The following KMT2B variants were observed in gnomAD, a reference collection of about 807,000 sequenced individuals.
KMT2B encodes lysine methyltransferase 2B, also known as histone-lysine N-methyltransferase 2B.
In KMT2B, 22 loss-of-function variants were observed where a neutral mutation model predicts 255.3. The observed-to-expected ratio is 0.09, with a 90% CI of 0.06 to 0.12. KMT2B has a LOEUF of 0.12. KMT2B is among the 10% of genes least tolerant of loss of function. The pLI, the probability that KMT2B is intolerant of heterozygous loss-of-function variation, is 1.00. For synonymous variants in KMT2B, 1,730 were observed against 1,498.1 expected, an observed-to-expected ratio of 1.15 and a Z score of -3.57; for missense variants, 3,149 against 3,737.0, an observed-to-expected ratio of 0.84 and a Z score of 4.10.
At position 35,725,039 on chromosome 19, in the gene KMT2B, A is replaced by G; in HGVS notation, c.3480A>G (p.Gly1160=). Residue 1160 remains glycine, a synonymous_variant, in exon 10 of 37, where the codon GGA becomes GGG. Coordinates refer to ENST00000420124, the MANE Select transcript of KMT2B (RefSeq NM_014727.3). The surrounding 1 kb of genome is among the most constrained non-coding windows in gnomAD (Gnocchi z 4.1). ...CTTCTTTTCCCAATGGCTGGACTGG[A>G]AAGCAGAAGTCTCCCGATGGTGTGC... is the stretch of plus-strand genomic sequence containing the variant. The part of the protein sequence containing the change: ...PFASFPNGWT[G]KQKSPDGVHR... 6.2e-7 allele frequency: 1 copy of G among 1,613,848 alleles called. No homozygotes were observed. Among genetic ancestry groups the G allele is most frequent in the Non-Finnish European group, 8.5e-7 (1 of 1,179,828 alleles).
chr19:35,726,452 C>T (rs975651092), intron 14 of KMT2B, 99 bp downstream of exon 14: 14 of 785,590 alleles, frequency 1.8e-5, no homozygotes, highest in Non-Finnish European at 2.7e-5. Flanking sequence ...CATGGCTTTC[C>T]ACCTTGTAGC....
chr19:35,727,676 T>C lies in KMT2B; in HGVS notation c.4303-22T>C. Reference sequence around the variant, plus strand: ...CCGGGGCTAGGCCCACCCCCAGCCCTGCTAACTTCCCCGCTTTGCAGTGTG... The same window carrying C: ...CCGGGGCTAGGCCCACCCCCAGCCCCGCTAACTTCCCCGCTTTGCAGTGTG... On this transcript the variant is annotated intron_variant, in intron 16 of 36. Coordinates refer to ENST00000420124, the MANE Select transcript of KMT2B (RefSeq NM_014727.3). The surrounding 1 kb of genome is among the most constrained non-coding windows in gnomAD (Gnocchi z 4.2). The C allele has an allele frequency of 1.9e-6, 3 of 1,613,386 alleles. No homozygotes were observed. Among genetic ancestry groups the C allele is most frequent in the Non-Finnish European group, 2.5e-6 (3 of 1,179,818 alleles).
intron 3 of KMT2B, 119 bp downstream of exon 3, chr19:35,721,923 G>A (rs1049224884): frequency 1.5e-6 from 2 of 1,340,328 alleles, no homozygotes; most frequent in African/African-American, 1.5e-5. Flanking sequence ...CTCAGAACCT[G>A]CCTTTCTGTG....
At position 35,729,312 on chromosome 19, in the gene KMT2B, C is replaced by T. The variant is rs1471549214; in HGVS notation, c.4917+16C>T. Reference sequence around the variant, plus strand: ...GAGGCAGATGGTGAGGGCGCGGGCGCAGAGAGGTGGACAGCTCTCTGGCTC... The same window carrying T: ...GAGGCAGATGGTGAGGGCGCGGGCGTAGAGAGGTGGACAGCTCTCTGGCTC... On this transcript the variant is annotated intron_variant, in intron 22 of 36. Transcript: ENST00000420124. The T allele has an allele frequency of 2.2e-5, 35 of 1,582,860 alleles. No homozygotes were observed. The highest frequency in any genetic ancestry group is 3.0e-5 in the Non-Finnish European group (35 of 1,165,982).
rs1407102208 is a variant in KMT2B at position 35,732,315 on chromosome 19, GCCGCCT to G, written c.5769_5774del (p.Pro1924_Pro1925del). The stretch of plus-strand genomic sequence containing the variant: ...GTCGTCCCAGCCCTTTGGCTCCCAG[GCCGCCT>G]CCATCACGGTGGGCCTCCCCTCCTC... On this transcript the variant is annotated inframe_deletion, in exon 28 of 37. Transcript: ENST00000420124. 1 of 1,611,072 alleles carries G rather than the reference GCCGCCT, an allele frequency of 6.2e-7. No homozygotes were observed. Among genetic ancestry groups the G allele is most frequent in the South Asian group, 1.1e-5 (1 of 90,386 alleles).
Position 35,722,692 on chromosome 19 carries a change from G to A in KMT2B, c.2696G>A (p.Arg899Gln), listed in dbSNP as rs201585209. The A allele has an allele frequency of 7.5e-6, 12 of 1,606,998 alleles. No homozygotes were observed. The highest frequency in any genetic ancestry group is 2.2e-5 in the South Asian group (2 of 90,262). The part of the protein sequence containing the change: ...DVPRLSALPL[R>Q]DRQDLATEDT... The stretch of plus-strand genomic sequence containing the variant: ...CCTCGCCTCAGTGCCCTCCCTCTCC[G>A]GGATCGGCAGGACCTCGCCACAGAG... Residue 899 changes from arginine to glutamine, a missense_variant, in exon 5 of 37, where the codon CGG (arginine) becomes CAG (glutamine). Arg to Gln is a conservative substitution (Grantham distance 43, BLOSUM62 1). Around this residue, in one of 18 missense-constraint regions of KMT2B, gnomAD observed 132 missense variants for 174.7 expected, o/e 0.76. Coordinates refer to ENST00000420124, the MANE Select transcript of KMT2B (RefSeq NM_014727.3).
rs560283345 is a variant in KMT2B at position 35,737,569 on chromosome 19, C to A, written c.7551-67C>A. ...TAGAGCTGACATCAGAAAAATGAAC[C>A]CCACCCATTTCCCTGTTAGCTCTGT... is the stretch of plus-strand genomic sequence containing the variant. On this transcript the variant is annotated intron_variant, in intron 33 of 36. Coordinates refer to ENST00000420124, the MANE Select transcript of KMT2B (RefSeq NM_014727.3). This position sits in a 1 kb window ranked among gnomAD's most constrained non-coding sequence, Gnocchi z 5.3. 2.3e-4 allele frequency: 238 copies of A among 1,053,474 alleles called. 1 individual carries two copies. The African/African-American group carries it at 3.3e-3, about 14-fold the overall frequency. 65.3% of individuals were successfully genotyped at this position (1,053,474 alleles called of 1,614,324 possible). A position where few individuals can be genotyped will look rare whatever the true frequency, so the allele number is the denominator to read the frequency against.
intron 2 of KMT2B, 112 bp from the exon 3 acceptor site, chr19:35,719,672 C>T (rs921481758): frequency 1.3e-6 from 2 of 1,516,314 alleles, no homozygotes; most frequent in Admixed American, 2.0e-5. Context: ...CCAAGCTAGT[C>T]TGGGCAGCGG....
In KMT2B at chr19:35,720,450, A is replaced by G. The variant is rs1599669524; in HGVS notation, c.1103A>G (p.Lys368Arg). 1.3e-6 allele frequency: 2 copies of G among 1,551,926 alleles called. No homozygotes were observed. Among genetic ancestry groups the G allele is most frequent in the South Asian group, 1.2e-5 (1 of 84,120 alleles). The change falls in exon 3 of 37, where the codon AAG (lysine) becomes AGG (arginine). Residue 368 changes from lysine (K) to arginine (R), a missense_variant. Coordinates refer to ENST00000420124, the MANE Select transcript of KMT2B (RefSeq NM_014727.3). ...EQKLDDEEEE[K>R]KEEEEKDKEG... ...AAGCTGGATGACGAGGAAGAAGAGA[A>G]GAAAGAAGAAGAAGAAAAAGACAAG...
chr19:35,721,936 C>G (rs1404587026), intron 3 of KMT2B, 132 bp downstream of exon 3: 1 of 1,226,790 alleles, frequency 8.2e-7, no homozygotes, highest in African/African-American at 1.5e-5. Context: ...TTTCTGTGAT[C>G]CCCCACCTTC....
Position 35,730,441 on chromosome 19 carries a change from G to C in KMT2B, c.5176G>C (p.Asp1726His). 6.2e-7 allele frequency: 1 copy of C among 1,613,792 alleles called. No individual in the cohort carries two copies. Among genetic ancestry groups the C allele is most frequent in the South Asian group, 1.1e-5 (1 of 91,078 alleles). ...KRKFLTGLEPDAINVLIGSIR... is the reference protein window; with the variant it reads ...KRKFLTGLEPHAINVLIGSIR... ...GAAGTTCTTGACGGGGCTTGAACCC[G>C]ATGCCATCAACGTGCTCATTGGTAA... is the stretch of plus-strand genomic sequence containing the variant. The change falls in exon 24 of 37, where the codon GAT becomes CAT. Residue 1726 changes from aspartate to histidine, a missense_variant. Around this residue, in one of 18 missense-constraint regions of KMT2B, gnomAD observed 58 missense variants for 96.9 expected, o/e 0.60. Coordinates refer to ENST00000420124, the MANE Select transcript of KMT2B (RefSeq NM_014727.3).
chr19:35,720,203 AGCCGTGGAG>A lies in KMT2B; in HGVS notation c.868_876del (p.Gly292_Gly294del), dbSNP rs767997887. 8.3e-5 allele frequency: 133 copies of A among 1,609,172 alleles called. No homozygotes were observed. The highest frequency in any genetic ancestry group is 4.5e-4 in the African/African-American group (34 of 74,882). On this transcript the variant is annotated inframe_deletion, in exon 3 of 37. Transcript: ENST00000420124. ...GACCCCCAGGCGTGGAGGACAGTCA[AGCCGTGGAG>A]GCCGTGGAGGCAGGGGCCGCGGCCG... is the stretch of plus-strand genomic sequence containing the variant.
In KMT2B at chr19:35,723,983, C is replaced by T. The variant is rs1403628021; in HGVS notation, c.3310C>T (p.Arg1104Trp). The T allele has an allele frequency of 1.4e-5, 23 of 1,595,584 alleles. No homozygotes were observed. The highest frequency in any genetic ancestry group is 1.8e-5 in the Non-Finnish European group (21 of 1,171,634). The part of the protein sequence containing the change: ...DSEPGGPPAP[R>W]RRTPRENELP... ...GGAGCCCGGGGGCCCCCCTGCTCCT[C>T]GGCGTCGGACCCCCCGAGAAAATGG... Residue 1104 changes from arginine to tryptophan, a missense_variant, in exon 8 of 37, where the codon CGG becomes TGG. By Grantham distance (101) the Arg-to-Trp change is moderately radical. This residue lies in a region of KMT2B where 136 missense variants were observed against 137.3 expected (regional missense o/e 0.99). Coordinates refer to ENST00000420124, the MANE Select transcript of KMT2B (RefSeq NM_014727.3). This position sits in a 1 kb window ranked among gnomAD's most constrained non-coding sequence, Gnocchi z 7.5.
At position 35,724,699 on chromosome 19, in the gene KMT2B, T is replaced by G. The variant is rs771064151; in HGVS notation, c.3397T>G (p.Leu1133Val). 54 of 1,599,362 alleles carry G rather than the reference T, an allele frequency of 3.4e-5. No homozygotes were observed. The highest frequency in any genetic ancestry group is 4.3e-5 in the Non-Finnish European group (51 of 1,173,372). The change falls in exon 9 of 37, where the codon TTG becomes GTG. Residue 1133 changes from leucine to valine, a missense_variant. Transcript: ENST00000420124. ...CCGCAAACCTACCCTGCAGCCTGTG[T>G]TGCAGCTCAAGGCCCGAAGGCGCCT... The part of the protein sequence containing the change: ...RPRKPTLQPV[L>V]QLKARRRLDK...
rs749549494 is a variant in KMT2B at position 35,721,137 on chromosome 19, C to G, written c.1790C>G (p.Pro597Arg). The G allele has an allele frequency of 4.9e-5, 78 of 1,604,740 alleles. No individual in the cohort carries two copies. The highest frequency in any genetic ancestry group is 6.5e-5 in the Non-Finnish European group (76 of 1,176,370). ...CCTCCATCTACCCCAGTTCCACTCCCTGAGAAGAGACGGTCCATCCTAAGG... is the reference window on the plus strand; with the variant it reads ...CCTCCATCTACCCCAGTTCCACTCCGTGAGAAGAGACGGTCCATCCTAAGG... ...PTPPSTPVPLPEKRRSILREP... is the reference protein window; with the variant it reads ...PTPPSTPVPLREKRRSILREP... Residue 597 changes from proline to arginine, a missense_variant, in exon 3 of 37, where the codon CCT becomes CGT. Around this residue, in one of 18 missense-constraint regions of KMT2B, gnomAD observed 1,188 missense variants for 1,106.4 expected, o/e 1.07. Coordinates refer to ENST00000420124, the MANE Select transcript of KMT2B (RefSeq NM_014727.3).
Position 35,725,954 on chromosome 19 carries a change from T to G in KMT2B, c.3885+136T>G. ...AAGAATTGATTAGTAATGTTTCCTC[T>G]TCAAAAATTTCACATAGGTCAGATT... is the stretch of plus-strand genomic sequence containing the variant. On this transcript the variant is annotated intron_variant, in intron 13 of 36. Coordinates refer to ENST00000420124, the MANE Select transcript of KMT2B (RefSeq NM_014727.3). This position sits in a 1 kb window ranked among gnomAD's most constrained non-coding sequence, Gnocchi z 4.1. 2 of 756,704 alleles carry G rather than the reference T, an allele frequency of 2.6e-6. No homozygotes were observed. The highest frequency in any genetic ancestry group is 5.4e-5 in the East Asian group (2 of 36,978). The allele number at this position is 756,704 out of a possible 1,614,324, so 46.9% of individuals were successfully genotyped here.
intron 8 of KMT2B, 123 bp downstream of exon 8, chr19:35,724,130 G>A: frequency 1.1e-6 from 1 of 949,972 alleles, no homozygotes; most frequent in Non-Finnish European, 1.5e-6. Flanking sequence ...GCTGAGGGCG[G>A]AGGAGGAGAC....
intron 30 of KMT2B, among the ~76,000 whole-genome samples, chr19:35,734,445 G>A (rs190145285): frequency 7.9e-4 from 121 of 152,344 alleles, no homozygotes; most frequent in African/African-American, 2.5e-3. Context: ...CACTTGGCCA[G>A]AGTTCAGCTA....
rs761233210 is a variant in KMT2B, at chr19:35,732,040, C to T, written c.5570C>T (p.Pro1857Leu). 1 of 1,612,936 alleles carries T rather than the reference C, an allele frequency of 6.2e-7. No homozygotes were observed. The highest frequency in any genetic ancestry group is 8.5e-7 in the Non-Finnish European group (1 of 1,179,464). Reference protein sequence around the residue: ...PDSGSAPPPAPRSFSGARIKV... With the variant: ...PDSGSAPPPALRSFSGARIKV... Reference sequence around the variant, plus strand: ...TCAGGCAGCGCCCCTCCTCCAGCCCCCCGTTCTTTTTCGGGGGCTCGAATC... The same window carrying T: ...TCAGGCAGCGCCCCTCCTCCAGCCCTCCGTTCTTTTTCGGGGGCTCGAATC... The change falls in exon 27 of 37, where the codon CCC becomes CTC. Residue 1857 changes from proline (P) to leucine (L), a missense_variant. By Grantham distance (98) the Pro-to-Leu change is moderately conservative. Coordinates refer to ENST00000420124, the MANE Select transcript of KMT2B (RefSeq NM_014727.3).
Sources: gnomAD v4.1 joint callset for allele counts (sites outside exome capture counted in the v4.1 genomes callset) on GRCh38, gnomAD v4.1.1 for gene constraint, gnomAD v4.1.1 regional missense constraint, Gnocchi (gnomAD v3.1) non-coding constraint, MANE v1.5 for transcripts, NCBI Gene and HGNC (gene_info 2026-07-23, HGNC 2026-07-21) for gene names.